PLCD4: variants seen among roughly 807,000 people sequenced by gnomAD.
PLCD4 encodes the protein phospholipase C delta 4, also known as 1-phosphatidylinositol 4,5-bisphosphate phosphodiesterase delta-4.
A neutral mutation model predicts 90.2 loss-of-function variants in PLCD4; 63 were observed. That is an observed-to-expected ratio of 0.70 (90% CI 0.57 to 0.86). PLCD4 has a LOEUF of 0.86. PLCD4 is among the 40% of genes least tolerant of loss of function. PLCD4 has a pLI of 0.00. For synonymous variants in PLCD4, 294 were observed against 356.5 expected (o/e 0.82, Z 1.97); for missense variants, 830 against 956.3 (o/e 0.87, Z 1.74).
At position 218,612,107 on chromosome 2, in the gene PLCD4, A is replaced by G. The variant is rs1159891010; in HGVS notation, c.-33-3600A>G. On this transcript the variant is annotated intron_variant, in intron 1 of 15. Transcript: ENST00000450993. Reference sequence around the variant, plus strand: ...GTATTTTTAGTAGAGACAGGGTTTCACCATGTTGTCCAGGATGGTCTCGAT... The same window carrying G: ...GTATTTTTAGTAGAGACAGGGTTTCGCCATGTTGTCCAGGATGGTCTCGAT... 2.7e-5 allele frequency among the ~76,000 whole-genome samples: 4 copies of G among 149,264 alleles called. 1 individual carries two copies. The highest frequency in any genetic ancestry group is 4.2e-4 in the South Asian group (2 of 4,726).
At chr2:218,621,212 A>C (rs1410290954) in intron 4 of PLCD4, among the ~76,000 whole-genome samples, 2 of 152,230 alleles carry the variant, frequency 1.3e-5, no homozygotes, top group Non-Finnish European at 2.9e-5. Context: ...GGTTACAGGC[A>C]CGAGCCATCG....
chr2:218,611,259 A>G (rs1456556526), intron 1 of PLCD4, among the ~76,000 whole-genome samples: 3 of 152,182 alleles, frequency 2.0e-5, no homozygotes, highest in Non-Finnish European at 4.4e-5. Flanking sequence ...TTGGAAGAAC[A>G]AAGCCAAGCT....
At chr2:218,618,953 C>A in intron 4 of PLCD4, 146 bp downstream of exon 4, 2 of 682,758 alleles carry the variant, frequency 2.9e-6, no homozygotes, top group Admixed American at 2.8e-5. Flanking sequence ...ACAGCTCAGG[C>A]CAATGTGAGA....
chr2:218,623,973 G>A (rs1331619403), intron 6 of PLCD4, among the ~76,000 whole-genome samples: 2 of 152,206 alleles, frequency 1.3e-5, no homozygotes, highest in African/African-American at 4.8e-5. Flanking sequence ...ATGAGCCACT[G>A]TGCCTGGCAT....
rs1488620303 is a variant in PLCD4 at position 218,616,915 on chromosome 2, TATATATATATATAGAGAGAGAGAGAG to T, written c.181+855_181+880del. Among the ~76,000 whole-genome samples the T allele has an allele frequency of 2.1e-4, 5 of 23,358 alleles. 2 individuals are homozygous for T. Among genetic ancestry groups the T allele is most frequent in the African/African-American group, 2.8e-4 (2 of 7,024 alleles). 15.3% of individuals were successfully genotyped at this position (23,358 alleles called of 152,430 possible). A position where few individuals can be genotyped will look rare whatever the true frequency, so the allele number is the denominator to read the frequency against. On this transcript the variant is annotated intron_variant, in intron 3 of 15. Coordinates refer to ENST00000450993, the MANE Select transcript of PLCD4 (RefSeq NM_032726.4). Reference sequence around the variant, plus strand: ...CCATTATTTTATATATATATATATATATATATATATATAGAGAGAGAGAGAGAGAGAGAGAGAGAGAGAGAGAGAGA... The same window carrying T: ...CCATTATTTTATATATATATATATATAGAGAGAGAGAGAGAGAGAGAGAGA...
chr2:218,632,132 C>A lies in PLCD4; in HGVS notation c.1273-4C>A. 6.2e-6 allele frequency: 10 copies of A among 1,600,832 alleles called. No individual in the cohort carries two copies. Among genetic ancestry groups the A allele is most frequent in the Non-Finnish European group, 8.5e-6 (10 of 1,174,072 alleles). ...AGACAGGCCCCTTCATTTTTGTCCC[C>A]TAGGAGCTTCGGAGGAAGATCCTGG... On this transcript the variant is annotated splice_polypyrimidine_tract_variant and splice_region_variant and intron_variant, in intron 9 of 15. Coordinates refer to ENST00000450993, the MANE Select transcript of PLCD4 (RefSeq NM_032726.4).
At chr2:218,620,329 C>A (rs1007385468) in intron 4 of PLCD4, among the ~76,000 whole-genome samples, 7 of 152,006 alleles carry the variant, frequency 4.6e-5, no homozygotes, top group Admixed American at 2.0e-4. Flanking sequence ...CATGGTGAAA[C>A]CCCACCTCTA....
Position 218,618,581 on chromosome 2 carries a change from T to C in PLCD4, c.184T>C (p.Ser62Pro). 1 of 1,613,836 alleles carries C rather than the reference T, an allele frequency of 6.2e-7. No homozygotes were observed. Among genetic ancestry groups the C allele is most frequent in the East Asian group, 2.2e-5 (1 of 44,886 alleles). ...TCCACCTGTTTCTTCTCTGGCAGTCTCAATCTCTGATGTGGAGACAATACG... is the reference window on the plus strand; with the variant it reads ...TCCACCTGTTTCTTCTCTGGCAGTCCCAATCTCTGATGTGGAGACAATACG... ...QARGSAKPSF[S>P]ISDVETIRNG... Residue 62 changes from serine to proline, a missense_variant and splice_region_variant, in exon 4 of 16, where the codon TCA (serine) becomes CCA (proline). Ser to Pro is a moderately conservative substitution (Grantham distance 74). Transcript: ENST00000450993.
In PLCD4 at chr2:218,629,573, C is replaced by T. The variant is rs550691262; in HGVS notation, c.1029C>T (p.Ser343=). 57 of 1,613,598 alleles carry T rather than the reference C, an allele frequency of 3.5e-5. 1 individual carries two copies. In the South Asian group the frequency reaches 4.9e-4, roughly 14 times the overall value. ...AGGTGGATGTATGGGATGGACCTAG[C>T]GGGGAACCTGTCGTTTACCACGGAC... ...CVEVDVWDGP[S]GEPVVYHGHT... The change falls in exon 8 of 16, where the codon AGC becomes AGT. Residue 343 remains serine, a synonymous_variant. Transcript: ENST00000450993.
At chr2:218,635,759 A>G (rs367633264) in intron 13 of PLCD4, 37 bp from the exon 14 acceptor site, 37 of 1,599,704 alleles carry the variant, frequency 2.3e-5, no homozygotes, top group Non-Finnish European at 3.1e-5. Flanking sequence ...GGCTGGGCTG[A>G]GCAGGAACTT....
intron 1 of PLCD4, among the ~76,000 whole-genome samples, chr2:218,613,781 G>A (rs1695454188): frequency 6.6e-6 from 1 of 152,040 alleles, no homozygotes; most frequent in African/African-American, 2.4e-5. Context: ...TGCTCACACT[G>A]GTCTCGAACT....
intron 4 of PLCD4, among the ~76,000 whole-genome samples, chr2:218,620,072 A>G (rs545858573): frequency 6.6e-6 from 1 of 151,872 alleles, no homozygotes; most frequent in Non-Finnish European, 1.5e-5. Flanking sequence ...TAGAGATGGG[A>G]TTTTGCCACA....
In PLCD4 at chr2:218,634,583, C is replaced by G; in HGVS notation, c.1849C>G (p.Pro617Ala). The stretch of plus-strand genomic sequence containing the variant: ...GCGTGATATCCAGAGTTCTTTCCAC[C>G]CTGAGAAGCCCATCAGCCCTTTCAA... Reference protein sequence around the residue: ...FLRDIQSSFHPEKPISPFKAQ... With the variant: ...FLRDIQSSFHAEKPISPFKAQ... Residue 617 changes from proline (P) to alanine (A), a missense_variant, in exon 13 of 16, where the codon CCT becomes GCT. By Grantham distance (27) the Pro-to-Ala change is conservative (BLOSUM62 -1). Transcript: ENST00000450993. This position sits in a 1 kb window ranked among gnomAD's most constrained non-coding sequence, Gnocchi z 4.0. 1.2e-6 allele frequency: 2 copies of G among 1,614,050 alleles called. No individual in the cohort carries two copies. The highest frequency in any genetic ancestry group is 1.7e-6 in the Non-Finnish European group (2 of 1,179,904).
At chr2:218,625,642 G>T (rs1420516711) in intron 6 of PLCD4, among the ~76,000 whole-genome samples, 1 of 152,182 alleles carries the variant, frequency 6.6e-6, no homozygotes, top group Non-Finnish European at 1.5e-5. Flanking sequence ...TGTCAAGAAT[G>T]AAACTTTCTG....
Position 218,633,644 on chromosome 2 carries a change from G to A in PLCD4, c.1489G>A (p.Val497Ile), listed in dbSNP as rs773968756. 1.2e-6 allele frequency: 2 copies of A among 1,613,368 alleles called. No individual in the cohort carries two copies. Among genetic ancestry groups the A allele is most frequent in the Non-Finnish European group, 1.7e-6 (2 of 1,179,532 alleles). ...PILCPALSSL[V>I]IYLKSVSFRS... ...CTTGTGTCCAGCCCTCTCTTCCCTGGTTATCTACTTGAAGTCTGTCTCATT... is the reference window on the plus strand; with the variant it reads ...CTTGTGTCCAGCCCTCTCTTCCCTGATTATCTACTTGAAGTCTGTCTCATT... The change falls in exon 11 of 16, where the codon GTT becomes ATT. Residue 497 changes from valine (V) to isoleucine (I), a missense_variant. Val to Ile is a conservative substitution (Grantham distance 29). Coordinates refer to ENST00000450993, the MANE Select transcript of PLCD4 (RefSeq NM_032726.4).
intron 4 of PLCD4, among the ~76,000 whole-genome samples, chr2:218,619,266 CATATATATAT>C (rs3074252): frequency 6.8e-6 from 1 of 146,716 alleles, no homozygotes; most frequent in Non-Finnish European, 1.5e-5. Context: ...TATAGGGGTA[CATATATATAT>C]ATATATATAT....
At chr2:218,616,936 A>ATATATATG (rs1695628906) in intron 3 of PLCD4, among the ~76,000 whole-genome samples, 1 of 22,880 alleles carries the variant, frequency 4.4e-5, no homozygotes, top group Non-Finnish European at 8.0e-5. Context: ...ATAGAGAGAG[A>ATATATATG]GAGAGAGAGA....
intron 6 of PLCD4, 48 bp downstream of exon 6, chr2:218,622,926 G>T: frequency 6.6e-7 from 1 of 1,518,854 alleles, no homozygotes; most frequent in Non-Finnish European, 9.0e-7. Context: ...GTTGGAGAGA[G>T]GGACATGATT....
At chr2:218,635,662 T>G (rs1696687724) in intron 13 of PLCD4, 134 bp from the exon 14 acceptor site, 1 of 1,271,822 alleles carries the variant, frequency 7.9e-7, no homozygotes, top group South Asian at 1.6e-5. Flanking sequence ...GCAGATAGAA[T>G]ACTAGAAGAA....
Sources: gnomAD v4.1 joint callset for allele counts (sites outside exome capture counted in the v4.1 genomes callset) on GRCh38, gnomAD v4.1.1 for gene constraint, Gnocchi (gnomAD v3.1) non-coding constraint, MANE v1.5 for transcripts, NCBI Gene and HGNC (gene_info 2026-07-23, HGNC 2026-07-21) for gene names.